The following ACACA variants were observed in gnomAD, a reference collection of about 807,000 sequenced individuals.
ACACA encodes acetyl-CoA carboxylase 1.
A neutral mutation model predicts 296.1 loss-of-function variants in ACACA; 103 were observed. The ratio of observed to expected loss-of-function variants is 0.35; its 90% confidence interval spans 0.30 to 0.41. The LOEUF (loss-of-function observed/expected upper bound fraction) is 0.41. ACACA is among the 10% of genes least tolerant of loss of function. ACACA has a pLI of 1.00. For missense variants in ACACA, 1,554 were observed against 2,989.7 expected, an observed-to-expected ratio of 0.52 and a Z score of 11.20; for synonymous variants, 953 against 1,038.6, an observed-to-expected ratio of 0.92 and a Z score of 1.58.
chr17:37,223,500 A>T lies in ACACA; in HGVS notation c.3564+12T>A. 6.3e-7 allele frequency: 1 copy of T among 1,583,532 alleles called. No homozygotes were observed. The highest frequency in any genetic ancestry group is 1.1e-5 in the South Asian group (1 of 90,480). On this transcript the variant is annotated intron_variant, in intron 28 of 55. Coordinates refer to ENST00000616317, the MANE Select transcript of ACACA (RefSeq NM_198834.3). ...AAGGAAAAGGTCATGTCCCATTACCATAAATACTTACCTCCAGAGCTGCCA... is the reference window on the plus strand; with the variant it reads ...AAGGAAAAGGTCATGTCCCATTACCTTAAATACTTACCTCCAGAGCTGCCA...
intron 39 of ACACA, among the ~76,000 whole-genome samples, chr17:37,184,296 C>A (rs937339569): frequency 6.6e-6 from 1 of 152,172 alleles, no homozygotes; most frequent in Admixed American, 6.5e-5. Flanking sequence ...TCTCATCATT[C>A]CTCCCATTAA....
In ACACA at chr17:37,113,195, C is replaced by A; in HGVS notation, c.6345G>T (p.Val2115=). 1 of 1,614,210 alleles carries A rather than the reference C, an allele frequency of 6.2e-7. No individual in the cohort carries two copies. The highest frequency in any genetic ancestry group is 8.5e-7 in the Non-Finnish European group (1 of 1,180,044). The part of the protein sequence containing the change: ...VDGLRECCQP[V]LVYIPPQAEL... ...CAGCCTGGGGAGGAATGTAAACCAG[C>A]ACAGGCTGGCAGCACTCCCTCAAGC... is the stretch of plus-strand genomic sequence containing the variant. Residue 2115 remains valine (V), a synonymous_variant, in exon 51 of 56, where the codon GTG becomes GTT. Transcript: ENST00000616317. The surrounding 1 kb of genome is among the most constrained non-coding windows in gnomAD (Gnocchi z 4.0).
At chr17:37,386,024 T>A in intron 1 of ACACA, 1 of 1,592,234 alleles carries the variant, frequency 6.3e-7, no homozygotes, top group Admixed American at 1.7e-5. Context: ...TTACCAGGGA[T>A]CTCACAATGT....
chr17:37,159,814 G>T (rs2076393128), intron 42 of ACACA, among the ~76,000 whole-genome samples: 2 of 152,136 alleles, frequency 1.3e-5, no homozygotes, highest in African/African-American at 4.8e-5. Flanking sequence ...TACATTTAAA[G>T]ATGTGAAAGG....
intron 38 of ACACA, among the ~76,000 whole-genome samples, chr17:37,188,839 T>C (rs2145044791): frequency 6.6e-6 from 1 of 152,346 alleles, no homozygotes; most frequent in East Asian, 1.9e-4. Flanking sequence ...ATAAAATCTC[T>C]AGTTAAATAG....
intron 9 of ACACA, among the ~76,000 whole-genome samples, chr17:37,273,947 C>G (rs773142230): frequency 2.4e-4 from 36 of 152,322 alleles, no homozygotes; most frequent in Non-Finnish European, 4.4e-4. Context: ...AGATGAGCAG[C>G]CTGCTTCAAA....
At chr17:37,134,811 G>A (rs2075264850) in intron 45 of ACACA, among the ~76,000 whole-genome samples, 1 of 152,114 alleles carries the variant, frequency 6.6e-6, no homozygotes, top group Admixed American at 6.5e-5. Context: ...TTGAGGAGGG[G>A]TTTTGTAAAT....
chr17:37,116,914 T>C (rs1188652848), intron 50 of ACACA, among the ~76,000 whole-genome samples: 2 of 152,202 alleles, frequency 1.3e-5, no homozygotes, highest in African/African-American at 4.8e-5. Flanking sequence ...CTGTCAATTC[T>C]CAGGCCCTGA....
chr17:37,353,046 T>C (rs1597685642), intron 1 of ACACA, among the ~76,000 whole-genome samples: 1 of 152,164 alleles, frequency 6.6e-6, no homozygotes, highest in Non-Finnish European at 1.5e-5. Context: ...TCATATTAAG[T>C]GGAAAACTGG....
intron 1 of ACACA, among the ~76,000 whole-genome samples, chr17:37,342,321 T>A (rs1373680795): frequency 7.2e-6 from 1 of 139,372 alleles, no homozygotes; most frequent in African/African-American, 2.7e-5. Flanking sequence ...GGAAGGAGAA[T>A]AGCTTGAACC....
intron 16 of ACACA, among the ~76,000 whole-genome samples, chr17:37,249,096 T>TA (rs1283580356): frequency 6.6e-6 from 1 of 152,252 alleles, no homozygotes; most frequent in Non-Finnish European, 1.5e-5. Context: ...TTCATATAAG[T>TA]AAAACCATAT....
chr17:37,252,240 G>T, intron 15 of ACACA, 132 bp from the exon 16 acceptor site: 1 of 742,020 alleles, frequency 1.3e-6, no homozygotes, highest in South Asian at 1.5e-5. Context: ...CTGCCCAACT[G>T]ATTTTTTAGA....
chr17:37,310,793 C>CAAAAAA (rs74268026), intron 3 of ACACA, among the ~76,000 whole-genome samples: 14 of 50,440 alleles, frequency 2.8e-4, no homozygotes, highest in East Asian at 8.9e-4. Context: ...GACACCATCT[C>CAAAAAA]AAAAAAAAAA....
chr17:37,306,613 T>C (rs888350813), intron 3 of ACACA, among the ~76,000 whole-genome samples: 5 of 152,176 alleles, frequency 3.3e-5, no homozygotes, highest in African/African-American at 1.2e-4. Flanking sequence ...TTGTTTACTC[T>C]TGAACTTCAT....
At chr17:37,266,429 A>G (rs1406204341) in intron 10 of ACACA, among the ~76,000 whole-genome samples, 1 of 151,972 alleles carries the variant, frequency 6.6e-6, no homozygotes, top group South Asian at 2.1e-4. Context: ...AACAAAAAAA[A>G]AAAAGATAGT....
chr17:37,363,047 T>A (rs79668692), intron 1 of ACACA, among the ~76,000 whole-genome samples: 9 of 149,784 alleles, frequency 6.0e-5, no homozygotes, highest in Non-Finnish European at 1.2e-4. Flanking sequence ...TTTTTTTTTT[T>A]AATCACAACT....
intron 41 of ACACA, among the ~76,000 whole-genome samples, chr17:37,175,982 A>T (rs1270202610): frequency 6.6e-6 from 1 of 152,182 alleles, no homozygotes; most frequent in African/African-American, 2.4e-5. Flanking sequence ...ATCTCTACTG[A>T]AACAGCCAAT....
intron 52 of ACACA, 109 bp from the exon 53 acceptor site, chr17:37,098,093 T>C: frequency 2.9e-6 from 4 of 1,379,854 alleles, no homozygotes; most frequent in Non-Finnish European, 4.1e-6. Flanking sequence ...CCCTCTTCCC[T>C]CTGTGGCCTG....
At position 37,226,357 on chromosome 17, in the gene ACACA, T is replaced by C; in HGVS notation, c.3342A>G (p.Val1114=). 1 of 1,614,108 alleles carries C rather than the reference T, an allele frequency of 6.2e-7. No homozygotes were observed. The highest frequency in any genetic ancestry group is 2.2e-5 in the East Asian group (1 of 44,886). Residue 1114 remains valine, a synonymous_variant, in exon 26 of 56, where the codon GTA becomes GTG. Coordinates refer to ENST00000616317, the MANE Select transcript of ACACA (RefSeq NM_198834.3). ...TCCTTACCTGGCGTGCTCGAAGTGC[T>C]ACTTTGGCATTGGTGGTCTTACTGA... ...TQLSKTTNAK[V]ALRARQVLIA...
Sources: allele counts gnomAD v4.1 joint callset (sites outside exome capture counted in the v4.1 genomes callset), GRCh38; gene constraint gnomAD v4.1.1; non-coding constraint Gnocchi (gnomAD v3.1); transcripts MANE v1.5; gene names NCBI Gene and HGNC (gene_info 2026-07-23, HGNC 2026-07-21).